Variants in ASAP1 observed in about 807,000 individuals in gnomAD.
ASAP1 encodes the protein ArfGAP with SH3 domain, ankyrin repeat and PH domain 1, also known as arf-GAP with SH3 domain, ANK repeat and PH domain-containing protein 1.
Under a neutral mutation model 145.2 loss-of-function variants are expected in ASAP1, and 43 were observed. The observed-to-expected ratio is 0.30, with a 90% CI of 0.23 to 0.38. The LOEUF is 0.38. Among genes scored for constraint, ASAP1 ranks in the 10% least tolerant of loss-of-function variants. The probability of loss-of-function intolerance (pLI) is 1.00; values close to 1 mark genes in which losing one functional copy is unlikely to be tolerated. For synonymous variants in ASAP1, 546 were observed against 515.5 expected (o/e 1.06, Z -0.80); for missense variants, 1,018 against 1,355.3 (o/e 0.75, Z 3.91).
At chr8:130,232,623 T>A (rs1346797003) in intron 4 of ASAP1, among the ~76,000 whole-genome samples, 126 of 142,538 alleles carry the variant, frequency 8.8e-4, no homozygotes, top group Admixed American at 7.7e-3. Flanking sequence ...ACAATTTGTT[T>A]AAAAAAAAAA....
chr8:130,358,471 C>T lies in ASAP1; in HGVS notation c.60-328G>A, dbSNP rs1262112044. On this transcript the variant is annotated intron_variant, in intron 2 of 29. Coordinates refer to ENST00000518721, the MANE Select transcript of ASAP1 (RefSeq NM_018482.4). The surrounding 1 kb of genome is among the most constrained non-coding windows in gnomAD (Gnocchi z 4.1). ...CGGCGGGGGAGGGGACGCGGCTGCG[C>T]GCGGGGTCTTCGCGGGGGTCTGGGC... is the stretch of plus-strand genomic sequence containing the variant. Among the ~76,000 whole-genome samples the T allele has an allele frequency of 6.7e-6, 1 of 148,226 alleles. No individual in the cohort carries two copies. The highest frequency in any genetic ancestry group is 2.4e-5 in the African/African-American group (1 of 41,014).
At chr8:130,178,366 A>G (rs904762372) in intron 9 of ASAP1, among the ~76,000 whole-genome samples, 1 of 152,198 alleles carries the variant, frequency 6.6e-6, no homozygotes, top group Non-Finnish European at 1.5e-5. Flanking sequence ...AGACTCTACC[A>G]GAAAACCCAT....
chr8:130,063,255 C>G (rs1327707523), intron 27 of ASAP1, among the ~76,000 whole-genome samples: 1 of 152,158 alleles, frequency 6.6e-6, no homozygotes, highest in Non-Finnish European at 1.5e-5. Flanking sequence ...GGGCTCACTG[C>G]AACCTTGACC....
At chr8:130,095,273 T>C (rs983435488) in intron 24 of ASAP1, among the ~76,000 whole-genome samples, 1 of 151,570 alleles carries the variant, frequency 6.6e-6, no homozygotes, top group Non-Finnish European at 1.5e-5. Context: ...CAACCACTAC[T>C]TCTATCTTTT....
intron 1 of ASAP1, among the ~76,000 whole-genome samples, chr8:130,410,627 C>G (rs1430167021): frequency 6.6e-6 from 1 of 152,222 alleles, no homozygotes; most frequent in Non-Finnish European, 1.5e-5. Context: ...ATTGTGTGAT[C>G]ATATCTTCAA....
chr8:130,186,637 A>G (rs943994259), intron 7 of ASAP1, among the ~76,000 whole-genome samples: 5 of 152,198 alleles, frequency 3.3e-5, no homozygotes, highest in Non-Finnish European at 7.3e-5. Flanking sequence ...TTCAGTGCCC[A>G]TGCTATGCTG....
chr8:130,100,611 G>T (rs2097527087), intron 24 of ASAP1, among the ~76,000 whole-genome samples: 1 of 152,142 alleles, frequency 6.6e-6, no homozygotes, highest in Admixed American at 6.6e-5. Context: ...TTACAGGCAT[G>T]AACCACCACA....
chr8:130,347,608 C>A (rs1057172358), intron 3 of ASAP1, among the ~76,000 whole-genome samples: 19 of 152,156 alleles, frequency 1.2e-4, no homozygotes, highest in African/African-American at 4.6e-4. Flanking sequence ...ACCACCATCA[C>A]CCCCAGGCTG....
At chr8:130,099,281 C>A (rs1475845390) in intron 24 of ASAP1, among the ~76,000 whole-genome samples, 3 of 151,888 alleles carry the variant, frequency 2.0e-5, no homozygotes, top group East Asian at 1.9e-4. Flanking sequence ...CAGGTTCACG[C>A]CATTCTCCTG....
rs1034813257 is a variant in ASAP1, at chr8:130,223,719, C to T, written c.260-9018G>A. ...GTATACAGTGGGTGTTTATAAAATGCTAAGTACCATCCCACACTCCAGAGT... is the reference window on the plus strand; with the variant it reads ...GTATACAGTGGGTGTTTATAAAATGTTAAGTACCATCCCACACTCCAGAGT... On this transcript the variant is annotated intron_variant, in intron 4 of 29. Coordinates refer to ENST00000518721, the MANE Select transcript of ASAP1 (RefSeq NM_018482.4). Among the ~76,000 whole-genome samples the T allele has an allele frequency of 3.9e-5, 6 of 151,980 alleles. No homozygotes were observed. The East Asian group carries it at 1.2e-3, about 29-fold the overall frequency.
chr8:130,347,721 T>C (rs1776679204), intron 3 of ASAP1, among the ~76,000 whole-genome samples: 1 of 152,172 alleles, frequency 6.6e-6, no homozygotes, highest in South Asian at 2.1e-4. Flanking sequence ...AATCCAATCC[T>C]CCTTCCCAGA....
chr8:130,092,044 T>C lies in ASAP1; in HGVS notation c.2501A>G (p.His834Arg). The C allele has an allele frequency of 6.3e-7, 1 of 1,576,972 alleles. No homozygotes were observed. The highest frequency in any genetic ancestry group is 8.6e-7 in the Non-Finnish European group (1 of 1,165,810). Residue 834 changes from histidine to arginine, a missense_variant, in exon 25 of 30, where the codon CAC becomes CGC. By Grantham distance (29) the His-to-Arg change is conservative. Coordinates refer to ENST00000518721, the MANE Select transcript of ASAP1 (RefSeq NM_018482.4). ...GGGAGGGTCGGATAGGGTTCTCTTGTGTCCGGGTGGTGGGGGAGGAGGCCT... is the reference window on the plus strand; with the variant it reads ...GGGAGGGTCGGATAGGGTTCTCTTGCGTCCGGGTGGTGGGGGAGGAGGCCT... ...KKRPPPPPPG[H>R]KRTLSDPPSP... is the part of the protein sequence containing the mutation.
chr8:130,424,417 A>T (rs1256789872), intron 1 of ASAP1, among the ~76,000 whole-genome samples: 2 of 152,158 alleles, frequency 1.3e-5, no homozygotes, highest in Non-Finnish European at 2.9e-5. Context: ...TCCACTTCCC[A>T]AGAGCCCTTC....
intron 5 of ASAP1, among the ~76,000 whole-genome samples, chr8:130,201,234 A>AATC (rs1815849543): frequency 6.6e-6 from 1 of 152,230 alleles, no homozygotes; most frequent in Non-Finnish European, 1.5e-5. Flanking sequence ...AGAGAGCAGA[A>AATC]ATCACTTGCC....
chr8:130,194,982 C>G (rs1815383043), intron 5 of ASAP1: 1 of 152,176 alleles, frequency 6.6e-6, no homozygotes, highest in Non-Finnish European at 1.5e-5. Context: ...TATCAGTAAA[C>G]TTCCTGTATG....
intron 9 of ASAP1, among the ~76,000 whole-genome samples, chr8:130,170,891 A>G (rs1324674034): frequency 6.6e-6 from 1 of 151,866 alleles, no homozygotes; most frequent in African/African-American, 2.4e-5. Flanking sequence ...GCTCATTTTT[A>G]TTTTTGTAAA....
At chr8:130,073,929 C>CTA (rs1341798733) in intron 27 of ASAP1, among the ~76,000 whole-genome samples, 5 of 152,110 alleles carry the variant, frequency 3.3e-5, no homozygotes, top group African/African-American at 1.2e-4. Context: ...CAGGGGAACA[C>CTA]GTTAGATGAA....
intron 11 of ASAP1, among the ~76,000 whole-genome samples, chr8:130,160,578 CCAA>C (rs1338813954): frequency 6.6e-6 from 1 of 151,986 alleles, no homozygotes; most frequent in Non-Finnish European, 1.5e-5. Context: ...AAGGGCCAAA[CCAA>C]CAACATAGAT....
chr8:130,091,470 G>A (rs1055861502), intron 25 of ASAP1, among the ~76,000 whole-genome samples: 4 of 152,224 alleles, frequency 2.6e-5, no homozygotes, highest in Admixed American at 1.3e-4. Context: ...CCTGAAGATA[G>A]AGTGGCAGGA....
Sources: allele counts gnomAD v4.1 joint callset (sites outside exome capture counted in the v4.1 genomes callset), GRCh38; gene constraint gnomAD v4.1.1; non-coding constraint Gnocchi (gnomAD v3.1); transcripts MANE v1.5; gene names NCBI Gene and HGNC (gene_info 2026-07-23, HGNC 2026-07-21).